Variants in CAMTA1 observed in about 807,000 individuals in gnomAD.
CAMTA1 encodes calmodulin-binding transcription activator 1.
Under a neutral mutation model 170.9 loss-of-function variants are expected in CAMTA1, and 27 were observed. That is an observed-to-expected ratio of 0.16 (90% CI 0.12 to 0.22). The LOEUF is 0.22. Among genes scored for constraint, CAMTA1 ranks in the 10% least tolerant of loss-of-function variants. The probability of loss-of-function intolerance (pLI) is 1.00; values close to 1 mark genes in which losing one functional copy is unlikely to be tolerated. For synonymous variants in CAMTA1, 833 were observed against 891.5 expected, an observed-to-expected ratio of 0.93 and a Z score of 1.17; for missense variants, 1,619 against 2,217.2, an observed-to-expected ratio of 0.73 and a Z score of 5.42.
At chr1:7,459,989 C>T (rs1457071906) in intron 5 of CAMTA1, among the ~76,000 whole-genome samples, 1 of 152,268 alleles carries the variant, frequency 6.6e-6, no homozygotes, top group Non-Finnish European at 1.5e-5. Context: ...TGCTTCAATA[C>T]ACAGAGTCTG....
At chr1:6,927,131 C>A (rs1291805067) in intron 3 of CAMTA1, among the ~76,000 whole-genome samples, 1 of 151,922 alleles carries the variant, frequency 6.6e-6, no homozygotes, top group East Asian at 1.9e-4. Flanking sequence ...CTCAGGTGAT[C>A]CTCCTGCCTC....
chr1:6,983,542 C>T (rs1360323512), intron 3 of CAMTA1, among the ~76,000 whole-genome samples: 1 of 152,210 alleles, frequency 6.6e-6, no homozygotes, highest in Non-Finnish European at 1.5e-5. Flanking sequence ...TTTATATATT[C>T]ATGTTAATTT....
At chr1:7,523,411 A>C (rs1575786035) in intron 6 of CAMTA1, among the ~76,000 whole-genome samples, 1 of 152,230 alleles carries the variant, frequency 6.6e-6, no homozygotes, top group South Asian at 2.1e-4. Flanking sequence ...TAGGAATTGT[A>C]TTAAACCTAT....
intron 5 of CAMTA1, among the ~76,000 whole-genome samples, chr1:7,295,523 T>C (rs1673806719): frequency 6.6e-6 from 1 of 152,248 alleles, no homozygotes; most frequent in South Asian, 2.1e-4. Flanking sequence ...TAGTTAGTGA[T>C]GCTGGGAATC....
intron 22 of CAMTA1, 121 bp downstream of exon 22, chr1:7,755,789 G>A (rs2096927468): frequency 1.2e-6 from 1 of 826,242 alleles, no homozygotes; most frequent in African/African-American, 1.7e-5. Flanking sequence ...CATTTTGAAT[G>A]AATTAAAATC....
Position 7,495,213 on chromosome 1 carries a change from G to A in CAMTA1, c.510+27312G>A, listed in dbSNP as rs543206356. Among the ~76,000 whole-genome samples the A allele has an allele frequency of 4.6e-5, 7 of 152,264 alleles. No individual in the cohort carries two copies. The South Asian group carries it at 1.2e-3, about 27-fold the overall frequency. ...GCAAGCCTGCATCCTCGTGAGAGAC[G>A]GAAGATCTGGAGAGTTTCGGGGGGT... On this transcript the variant is annotated intron_variant, in intron 6 of 22. Coordinates refer to ENST00000303635, the MANE Select transcript of CAMTA1 (RefSeq NM_015215.4).
chr1:7,294,683 G>A (rs971331494), intron 5 of CAMTA1, among the ~76,000 whole-genome samples: 1 of 152,206 alleles, frequency 6.6e-6, no homozygotes, highest in Non-Finnish European at 1.5e-5. Context: ...TAACGAATGG[G>A]CATTGTGATT....
intron 3 of CAMTA1, among the ~76,000 whole-genome samples, chr1:6,828,819 A>G (rs889249179): frequency 2.0e-5 from 3 of 148,398 alleles, no homozygotes; most frequent in South Asian, 2.1e-4. Flanking sequence ...CTTTCATTCT[A>G]TTGTTTACTC....
At chr1:6,873,112 G>A (rs1668857158) in intron 3 of CAMTA1, among the ~76,000 whole-genome samples, 1 of 152,138 alleles carries the variant, frequency 6.6e-6, no homozygotes, top group African/African-American at 2.4e-5. Flanking sequence ...TGTTGGGTAT[G>A]TTTTCTTTTC....
At chr1:7,109,539 C>T (rs1198596336) in intron 4 of CAMTA1, among the ~76,000 whole-genome samples, 13 of 152,202 alleles carry the variant, frequency 8.5e-5, no homozygotes, top group Admixed American at 8.5e-4. Context: ...GTACAATCTT[C>T]TGTGAGCTGG....
chr1:7,404,971 A>G (rs2090185938), intron 5 of CAMTA1, among the ~76,000 whole-genome samples: 1 of 152,016 alleles, frequency 6.6e-6, no homozygotes, highest in Non-Finnish European at 1.5e-5. Flanking sequence ...TTTTAGTATA[A>G]CAATGACTTA....
chr1:7,350,835 G>A (rs941245176), intron 5 of CAMTA1, among the ~76,000 whole-genome samples: 4 of 152,226 alleles, frequency 2.6e-5, no homozygotes, highest in Non-Finnish European at 4.4e-5. Context: ...TTGGGTCTCT[G>A]TCCCTCCACA....
chr1:6,871,869 C>G, intron 3 of CAMTA1: 1 of 1,454,528 alleles, frequency 6.9e-7, no homozygotes. Context: ...AATTTAATTT[C>G]ATTTTTTAAT....
At chr1:7,000,961 A>G (rs148837604) in intron 3 of CAMTA1, among the ~76,000 whole-genome samples, 3 of 152,352 alleles carry the variant, frequency 2.0e-5, no homozygotes, top group African/African-American at 4.8e-5. Flanking sequence ...TACTCATTTA[A>G]GAAACCCAGT....
chr1:6,869,017 C>T (rs1667596935), intron 3 of CAMTA1, among the ~76,000 whole-genome samples: 1 of 152,210 alleles, frequency 6.6e-6, no homozygotes, highest in Admixed American at 6.5e-5. Flanking sequence ...GCTAGACTAG[C>T]TTTCTGTACT....
chr1:7,409,484 C>T (rs867483606), intron 5 of CAMTA1, among the ~76,000 whole-genome samples: 5 of 152,340 alleles, frequency 3.3e-5, no homozygotes, highest in South Asian at 2.1e-4. Flanking sequence ...ACCCACGCCC[C>T]GCCCTTGAGG....
At chr1:7,691,182 C>T (rs556942156) in intron 11 of CAMTA1, among the ~76,000 whole-genome samples, 4 of 152,238 alleles carry the variant, frequency 2.6e-5, no homozygotes, top group East Asian at 3.9e-4. Context: ...AAGAGCTGAA[C>T]GATGAGCACA....
chr1:7,386,013 C>T (rs2149096054), intron 5 of CAMTA1, among the ~76,000 whole-genome samples: 2 of 152,298 alleles, frequency 1.3e-5, no homozygotes, highest in Middle Eastern at 3.4e-3. Context: ...AGAAGCCCAC[C>T]CTGGCTCCTC....
chr1:7,580,524 C>T lies in CAMTA1; in HGVS notation c.511-59876C>T, dbSNP rs1008995675. Among the ~76,000 whole-genome samples the T allele has an allele frequency of 1.2e-4, 19 of 152,106 alleles. No individual in the cohort carries two copies. The highest frequency in any genetic ancestry group is 3.9e-4 in the Admixed American group (6 of 15,272). ...ACCTCAGAGACACACAGCCCTCTTCCCATGAGCCAGGTGGCAGACAGGACA... is the reference window on the plus strand; with the variant it reads ...ACCTCAGAGACACACAGCCCTCTTCTCATGAGCCAGGTGGCAGACAGGACA... On this transcript the variant is annotated intron_variant, in intron 6 of 22. Coordinates refer to ENST00000303635, the MANE Select transcript of CAMTA1 (RefSeq NM_015215.4). This position sits in a 1 kb window ranked among gnomAD's most constrained non-coding sequence, Gnocchi z 4.3.
Sources: allele counts gnomAD v4.1 joint callset (sites outside exome capture counted in the v4.1 genomes callset), GRCh38; gene constraint gnomAD v4.1.1; non-coding constraint Gnocchi (gnomAD v3.1); transcripts MANE v1.5; gene names NCBI Gene and HGNC (gene_info 2026-07-23, HGNC 2026-07-21).